Variants in TEX9 observed in about 807,000 individuals in gnomAD.
The protein encoded by TEX9 is testis-expressed protein 9.
A neutral mutation model predicts 59.6 loss-of-function variants in TEX9; 74 were observed. The ratio of observed to expected loss-of-function variants is 1.24; its 90% CI spans 1.03 to 1.51. TEX9 has a LOEUF of 1.51. Among genes scored for constraint, TEX9 ranks in the 40% most tolerant of loss-of-function variants. TEX9 has a pLI of 0.00. For synonymous variants in TEX9, 186 were observed against 152.2 expected (o/e 1.22, Z -1.64); for missense variants, 522 against 447.8 (o/e 1.17, Z -1.49).
intron 1 of TEX9, among the ~76,000 whole-genome samples, chr15:56,252,412 AAAAGCAG>A (rs2044045609): frequency 7.1e-6 from 1 of 140,500 alleles, no homozygotes; most frequent in Non-Finnish European, 1.5e-5. Flanking sequence ...GCCACAAAAT[AAAAGCAG>A]AATGTCAGAA....
intron 1 of TEX9, among the ~76,000 whole-genome samples, chr15:56,281,455 C>T (rs940503785): frequency 1.3e-5 from 2 of 152,216 alleles, no homozygotes; most frequent in Non-Finnish European, 2.9e-5. Flanking sequence ...TTCTGTGAAC[C>T]GCCCATGCGA....
chr15:56,387,937 G>A (rs1180299658), intron 4 of TEX9, among the ~76,000 whole-genome samples: 1 of 151,922 alleles, frequency 6.6e-6, no homozygotes, highest in Non-Finnish European at 1.5e-5. Context: ...TGCATTTTAC[G>A]TGTATTTATT....
At chr15:56,346,791 C>T (rs2046479222) in intron 1 of TEX9, among the ~76,000 whole-genome samples, 1 of 152,114 alleles carries the variant, frequency 6.6e-6, no homozygotes, top group Non-Finnish European at 1.5e-5. Context: ...AAAAATAAAA[C>T]TGTCACTATT....
intron 10 of TEX9, among the ~76,000 whole-genome samples, chr15:56,426,624 T>TAC (rs1276356879): frequency 3.8e-3 from 156 of 41,562 alleles, no homozygotes; most frequent in South Asian, 7.4e-3. Flanking sequence ...TATATATATA[T>TAC]ATACACACAC....
chr15:56,294,167 G>T (rs1242717634), intron 1 of TEX9, among the ~76,000 whole-genome samples: 1 of 152,178 alleles, frequency 6.6e-6, no homozygotes, highest in Non-Finnish European at 1.5e-5. Flanking sequence ...ATTGGAGCTG[G>T]GAGGGAGGGG....
intron 2 of TEX9, among the ~76,000 whole-genome samples, chr15:56,369,412 G>T (rs2047090003): frequency 6.6e-6 from 1 of 150,952 alleles, no homozygotes; most frequent in Admixed American, 6.6e-5. Flanking sequence ...GGAGTGCAAT[G>T]GTGTGATCTC....
chr15:56,257,246 A>G (rs1344906842), intron 1 of TEX9, among the ~76,000 whole-genome samples: 1 of 152,148 alleles, frequency 6.6e-6, no homozygotes, highest in Non-Finnish European at 1.5e-5. Flanking sequence ...TCCAATGAAC[A>G]TACATGTGCA....
intron 1 of TEX9, among the ~76,000 whole-genome samples, chr15:56,277,935 T>A (rs2682064): frequency 6.6e-6 from 1 of 151,848 alleles, no homozygotes; most frequent in Non-Finnish European, 1.5e-5. Flanking sequence ...AAATTCTCCC[T>A]CTTGAGGGAC....
In TEX9 at chr15:56,383,074, G is replaced by A. The variant is rs373305911; in HGVS notation, c.184-878G>A. Among the ~76,000 whole-genome samples, 45 of 152,330 alleles carry A rather than the reference G, an allele frequency of 3.0e-4. No individual in the cohort carries two copies. In the East Asian group the frequency reaches 8.1e-3, roughly 27 times the overall value. Reference sequence around the variant, plus strand: ...GACAAACTGGAGTTCTGACCCACAGGATGGGTGATTTTCCTCTGGCTATAG... The same window carrying A: ...GACAAACTGGAGTTCTGACCCACAGAATGGGTGATTTTCCTCTGGCTATAG... On this transcript the variant is annotated intron_variant, in intron 3 of 12. Transcript: ENST00000352903.
intron 9 of TEX9, among the ~76,000 whole-genome samples, chr15:56,404,255 T>C (rs561174367): frequency 1.3e-5 from 2 of 152,248 alleles, no homozygotes; most frequent in South Asian, 4.1e-4. Context: ...GGCTAATATA[T>C]ACAGAATCTA....
intron 5 of TEX9, among the ~76,000 whole-genome samples, chr15:56,389,048 A>G (rs1416217114): frequency 6.6e-6 from 1 of 152,036 alleles, no homozygotes; most frequent in African/African-American, 2.4e-5. Context: ...CAGAACGTCC[A>G]GATTTATTCA....
chr15:56,246,334 C>T (rs1336026939), intron 1 of TEX9, among the ~76,000 whole-genome samples: 1 of 152,098 alleles, frequency 6.6e-6, no homozygotes, highest in African/African-American at 2.4e-5. Context: ...GAGTATCAGA[C>T]TGAGGAGACC....
intron 1 of TEX9, among the ~76,000 whole-genome samples, chr15:56,314,077 T>C (rs1262196814): frequency 4.5e-5 from 1 of 22,024 alleles, no homozygotes; most frequent in African/African-American, 7.4e-5. Context: ...TCTATCAATT[T>C]TGTTGATCCT....
In TEX9 at chr15:56,321,230, C is replaced by T. The variant is rs184754271; in HGVS notation, c.-106-52211C>T. 6.0e-4 allele frequency among the ~76,000 whole-genome samples: 91 copies of T among 152,232 alleles called. 1 individual carries two copies. Among genetic ancestry groups the T allele is most frequent in the Non-Finnish European group, 9.9e-4 (67 of 67,986 alleles). ...AACTAAGCTGGAAGTTTGACTTTGA[C>T]ATTTAAACCCCCTTGTCCCAGGGCA... is the stretch of plus-strand genomic sequence containing the variant. On this transcript the variant is annotated intron_variant, in intron 1 of 5. Coordinates refer to the TEX9 transcript ENST00000560827.
intron 10 of TEX9, among the ~76,000 whole-genome samples, chr15:56,422,942 A>G (rs1040945485): frequency 3.3e-5 from 5 of 152,242 alleles, no homozygotes; most frequent in Non-Finnish European, 2.9e-5. Flanking sequence ...ACTTAACATA[A>G]TGTTCTCAAG....
At chr15:56,338,205 G>C (rs747800559) in intron 1 of TEX9, among the ~76,000 whole-genome samples, 30 of 152,210 alleles carry the variant, frequency 2.0e-4, no homozygotes, top group Non-Finnish European at 3.5e-4. Flanking sequence ...AGAGCCTGAA[G>C]TTGCTGGTAC....
upstream of TEX9, among the ~76,000 whole-genome samples, chr15:56,360,891 C>T (rs1173682556): frequency 1.3e-5 from 2 of 152,202 alleles, no homozygotes; most frequent in African/African-American, 4.8e-5. Context: ...TGGGTTTACT[C>T]TACCTTGCTT....
At chr15:56,394,204 T>G (rs371032774) in exon 8 of TEX9, 1 of 1,609,392 alleles carries the variant, frequency 6.2e-7, no homozygotes, top group Non-Finnish European at 8.5e-7. Flanking sequence ...CTCCATGTTA[T>G]GCAGGAGGAA....
chr15:56,430,795 T>G (rs2050569060), intron 12 of TEX9, among the ~76,000 whole-genome samples: 2 of 152,224 alleles, frequency 1.3e-5, no homozygotes, highest in Non-Finnish European at 2.9e-5. Context: ...ATACACATTC[T>G]CATCTTTGGC....
Sources: allele counts gnomAD v4.1 joint callset (sites outside exome capture counted in the v4.1 genomes callset), GRCh38; gene constraint gnomAD v4.1.1; transcripts MANE v1.5; gene names NCBI Gene and HGNC (gene_info 2026-07-23, HGNC 2026-07-21).